NAALADL2: variants seen among roughly 807,000 people sequenced by gnomAD.
NAALADL2 encodes the protein N-acetylated alpha-linked acidic dipeptidase like 2, also known as inactive N-acetylated-alpha-linked acidic dipeptidase-like protein 2.
In NAALADL2, 76 loss-of-function variants were observed where a neutral mutation model predicts 87.2. The observed-to-expected ratio is 0.87, with a 90% CI of 0.72 to 1.05. NAALADL2 has a LOEUF of 1.05. Among genes scored for constraint, NAALADL2 ranks in the 50% least tolerant of loss-of-function variants. The pLI, the probability that NAALADL2 is intolerant of heterozygous loss-of-function variation, is 0.00. For missense variants in NAALADL2, 1,089 were observed against 945.8 expected (o/e 1.15, Z -1.99); for synonymous variants, 354 against 331.0 (o/e 1.07, Z -0.75).
intron 11 of NAALADL2, among the ~76,000 whole-genome samples, chr3:175,656,631 A>C (rs1731498409): frequency 6.6e-6 from 1 of 152,146 alleles, no homozygotes; most frequent in African/African-American, 2.4e-5. Flanking sequence ...AGAACTACTA[A>C]GTGGAACATG....
intron 1 of NAALADL2, among the ~76,000 whole-genome samples, chr3:175,044,514 G>T (rs933198998): frequency 6.6e-6 from 1 of 151,844 alleles, no homozygotes; most frequent in Non-Finnish European, 1.5e-5. Context: ...TATATTCCTG[G>T]TAAACTATTA....
intron 3 of NAALADL2, among the ~76,000 whole-genome samples, chr3:174,741,699 A>G (rs1345405026): frequency 1.3e-5 from 2 of 151,718 alleles, no homozygotes; most frequent in Non-Finnish European, 3.0e-5. Flanking sequence ...CTTTATATAG[A>G]TAAATTTTTA....
chr3:175,360,807 C>A, intron 5 of NAALADL2, among the ~76,000 whole-genome samples: 1 of 122,904 alleles, frequency 8.1e-6, no homozygotes, highest in East Asian at 2.4e-4. Flanking sequence ...GAGTAATATT[C>A]CACTGTGTGT....
intron 1 of NAALADL2, among the ~76,000 whole-genome samples, chr3:174,862,895 A>AGAGC: frequency 6.6e-6 from 1 of 151,842 alleles, no homozygotes; most frequent in Non-Finnish European, 1.5e-5. Context: ...GGAAATCCCT[A>AGAGC]CTCTGAAGGC....
chr3:175,316,539 G>A (rs1051099124), intron 4 of NAALADL2, among the ~76,000 whole-genome samples: 2 of 152,040 alleles, frequency 1.3e-5, no homozygotes, highest in African/African-American at 4.8e-5. Flanking sequence ...CGTTTTTCAG[G>A]AATTAGACCC....
At chr3:175,492,486 G>A (rs533075445) in intron 9 of NAALADL2, among the ~76,000 whole-genome samples, 3 of 152,184 alleles carry the variant, frequency 2.0e-5, no homozygotes, top group Non-Finnish European at 4.4e-5. Flanking sequence ...TTCAAAGGGA[G>A]AGATGAAACC....
intron 1 of NAALADL2, among the ~76,000 whole-genome samples, chr3:174,979,436 G>T (rs910584839): frequency 2.0e-5 from 3 of 150,418 alleles, no homozygotes; most frequent in Non-Finnish European, 4.4e-5. Context: ...CTCCCAAGTA[G>T]CTGGGACTAC....
chr3:175,585,057 G>T (rs1224732759), intron 10 of NAALADL2, among the ~76,000 whole-genome samples: 1 of 151,492 alleles, frequency 6.6e-6, no homozygotes, highest in African/African-American at 2.4e-5. Context: ...ATAACATTTA[G>T]CTTAAAACCC....
At chr3:174,695,171 T>C (rs532368522) in intron 2 of NAALADL2, among the ~76,000 whole-genome samples, 1 of 152,180 alleles carries the variant, frequency 6.6e-6, no homozygotes, top group East Asian at 1.9e-4. Context: ...CTGACCATTG[T>C]TTGCTACATT....
intron 11 of NAALADL2, among the ~76,000 whole-genome samples, chr3:175,657,058 T>C (rs1239461712): frequency 6.6e-6 from 1 of 152,278 alleles, no homozygotes; most frequent in East Asian, 1.9e-4. Flanking sequence ...AGGATCTATA[T>C]GGTTAAGTAA....
At chr3:174,508,572 A>G (rs933000222) in intron 1 of NAALADL2, among the ~76,000 whole-genome samples, 1 of 152,220 alleles carries the variant, frequency 6.6e-6, no homozygotes, top group Non-Finnish European at 1.5e-5. Context: ...GAGAATTGAC[A>G]TTGTAACAAT....
chr3:174,614,806 T>C (rs1720288674), intron 2 of NAALADL2, among the ~76,000 whole-genome samples: 1 of 152,218 alleles, frequency 6.6e-6, no homozygotes, highest in African/African-American at 2.4e-5. Context: ...GTTGTTGTTT[T>C]TTTAGAAATT....
rs759259011 is a variant in NAALADL2 at position 175,471,710 on chromosome 3, T to C, written c.1605T>C (p.Ser535=). 37 of 1,606,598 alleles carry C rather than the reference T, an allele frequency of 2.3e-5. No individual in the cohort carries two copies. Among genetic ancestry groups the C allele is most frequent in the South Asian group, 3.3e-5 (3 of 90,174 alleles). Residue 535 remains serine, a synonymous_variant, in exon 9 of 14, where the codon TCT becomes TCC. Coordinates refer to ENST00000454872, the MANE Select transcript of NAALADL2 (RefSeq NM_207015.3). ...TCCACAGTCCCATAAGGGGGAACTCTAGTCTGTATCCTGTAGCATCACCAT... is the reference window on the plus strand; with the variant it reads ...TCCACAGTCCCATAAGGGGGAACTCCAGTCTGTATCCTGTAGCATCACCAT... ...ISLHSPIRGN[S]SLYPVASPSL...
At chr3:174,918,426 A>G (rs149461377) in intron 1 of NAALADL2, among the ~76,000 whole-genome samples, 157 of 152,290 alleles carry the variant, frequency 1.0e-3, no homozygotes, top group Admixed American at 4.7e-3. Flanking sequence ...ATGAGAAACC[A>G]CCTCAAAACT....
At chr3:175,691,353 G>A (rs1358513870) in intron 11 of NAALADL2, among the ~76,000 whole-genome samples, 1 of 151,074 alleles carries the variant, frequency 6.6e-6, no homozygotes, top group Non-Finnish European at 1.5e-5. Flanking sequence ...TGCTTTTGTA[G>A]TCATAGCTTT....
At chr3:175,082,974 T>C (rs915893855) in intron 1 of NAALADL2, among the ~76,000 whole-genome samples, 2 of 152,222 alleles carry the variant, frequency 1.3e-5, no homozygotes, top group African/African-American at 4.8e-5. Flanking sequence ...ATTAATTTTC[T>C]CACATAGATC....
intron 2 of NAALADL2, among the ~76,000 whole-genome samples, chr3:174,674,537 G>A (rs546199496): frequency 6.0e-5 from 9 of 150,792 alleles, no homozygotes; most frequent in South Asian, 4.2e-4. Context: ...TCTTTATGTC[G>A]TCTGTAGTTT....
chr3:174,779,486 C>G (rs1225012316), intron 3 of NAALADL2, among the ~76,000 whole-genome samples: 35 of 152,078 alleles, frequency 2.3e-4, no homozygotes, highest in Admixed American at 2.3e-3. Context: ...TAATTAGATC[C>G]CATTTGTCAA....
intron 2 of NAALADL2, among the ~76,000 whole-genome samples, chr3:175,119,552 G>T (rs771462769): frequency 6.6e-6 from 1 of 150,812 alleles, no homozygotes; most frequent in Admixed American, 6.7e-5. Flanking sequence ...GTGAGAAGAG[G>T]AGGTAAGGAA....
Sources: allele counts gnomAD v4.1 joint callset (sites outside exome capture counted in the v4.1 genomes callset), GRCh38; gene constraint gnomAD v4.1.1; transcripts MANE v1.5; gene names NCBI Gene and HGNC (gene_info 2026-07-23, HGNC 2026-07-21).